The following ESRRG variants were observed in gnomAD, a reference collection of about 807,000 sequenced individuals.
The protein encoded by ESRRG is estrogen-related receptor gamma.
In ESRRG, 13 loss-of-function variants were observed where a neutral mutation model predicts 44.0. The observed-to-expected ratio is 0.30, with a 90% CI of 0.19 to 0.47. The LOEUF (loss-of-function observed/expected upper bound fraction) is 0.47, where lower values mean the gene tolerates loss of function less well. ESRRG is among the 20% of genes least tolerant of loss of function. ESRRG has a pLI of 1.00. For missense variants in ESRRG, 395 were observed against 580.6 expected, an observed-to-expected ratio of 0.68 and a Z score of 3.29; for synonymous variants, 215 against 214.6, an observed-to-expected ratio of 1.00 and a Z score of -0.02.
rs142505378 is a variant in ESRRG, at chr1:217,058,560, T to C, written c.-106+30947A>G. On this transcript the variant is annotated intron_variant, in intron 1 of 7. Transcript: ENST00000359162. ...ATCTGACGTCTCTATGCTCTGACAA[T>C]GTAAATAGAGCACAACTATTTAAAA... 1.2e-3 allele frequency among the ~76,000 whole-genome samples: 177 copies of C among 152,232 alleles called. 3 individuals are homozygous for C. Among genetic ancestry groups the C allele is most frequent in the African/African-American group, 3.9e-3 (161 of 41,566 alleles).
intron 1 of ESRRG, among the ~76,000 whole-genome samples, chr1:217,124,225 C>T (rs2092860984): frequency 6.6e-6 from 1 of 152,148 alleles, no homozygotes. Flanking sequence ...GACACCAACA[C>T]TTAGAGATTT....
chr1:217,027,524 A>G (rs2081401223), intron 1 of ESRRG, among the ~76,000 whole-genome samples: 1 of 152,176 alleles, frequency 6.6e-6, no homozygotes, highest in African/African-American at 2.4e-5. Context: ...CCAGTTAGCA[A>G]CACAATTATG....
At chr1:217,085,107 A>ACATG (rs371620583) in intron 1 of ESRRG, among the ~76,000 whole-genome samples, 1 of 151,908 alleles carries the variant, frequency 6.6e-6, no homozygotes. Flanking sequence ...TTGTGAATCA[A>ACATG]GGATGAGTAA....
chr1:217,113,547 C>A (rs111806719), intron 1 of ESRRG, among the ~76,000 whole-genome samples: 6 of 152,274 alleles, frequency 3.9e-5, no homozygotes, highest in African/African-American at 1.4e-4. Context: ...TGACAAAATC[C>A]TGAACCTTAA....
chr1:216,505,210 G>A lies in ESRRG; in HGVS notation c.*1729C>T, dbSNP rs1208758830. The A allele has an allele frequency of 6.6e-6, 1 of 152,590 alleles. No individual in the cohort carries two copies. Among genetic ancestry groups the A allele is most frequent in the East Asian group, 1.9e-4 (1 of 5,188 alleles). 9.5% of individuals were successfully genotyped at this position (152,590 alleles called of 1,614,324 possible). On this transcript the variant is annotated 3_prime_UTR_variant, in exon 7 of 7. Transcript: ENST00000408911. ...GGTATAGCATTTGATGGAGGTTACT[G>A]TTTATTGGTTATTCAGCGACTGTAG...
At chr1:216,836,943 A>G (rs1031452349) in intron 2 of ESRRG, among the ~76,000 whole-genome samples, 2 of 152,154 alleles carry the variant, frequency 1.3e-5, no homozygotes, top group African/African-American at 4.8e-5. Context: ...CATGTGTACA[A>G]ACAAAAACAC....
At chr1:216,837,756 C>A (rs1559821509) in intron 2 of ESRRG, among the ~76,000 whole-genome samples, 1 of 152,182 alleles carries the variant, frequency 6.6e-6, no homozygotes, top group African/African-American at 2.4e-5. Flanking sequence ...GAAAGATGAC[C>A]TGTGGGGAGC....
chr1:216,740,592 A>G (rs1477406660), intron 2 of ESRRG, among the ~76,000 whole-genome samples: 1 of 151,864 alleles, frequency 6.6e-6, no homozygotes, highest in Admixed American at 6.6e-5. Context: ...TTTGGACGAG[A>G]GAGATTTCTA....
chr1:216,959,918 C>A (rs868813612), intron 1 of ESRRG, among the ~76,000 whole-genome samples: 2 of 152,000 alleles, frequency 1.3e-5, no homozygotes, highest in African/African-American at 2.4e-5. Flanking sequence ...AACTGTTAAA[C>A]CTCACAAGAA....
chr1:216,883,962 T>A (rs1447899504), intron 2 of ESRRG, among the ~76,000 whole-genome samples: 2 of 152,232 alleles, frequency 1.3e-5, no homozygotes, highest in Non-Finnish European at 2.9e-5. Flanking sequence ...AAAAATTAAA[T>A]AGTCATATTT....
At chr1:216,671,829 A>G (rs2075243326) in intron 2 of ESRRG, among the ~76,000 whole-genome samples, 2 of 152,192 alleles carry the variant, frequency 1.3e-5, no homozygotes, top group African/African-American at 4.8e-5. Context: ...AAAGAAAACT[A>G]TTTATAAAAT....
chr1:216,676,247 G>C lies in ESRRG; in HGVS notation c.472+829C>G, dbSNP rs544334318. ...ATCTGTAGATTACCAGTTTAAAAGG[G>C]CATAAACAAATTTCAGTCCTATTTT... On this transcript the variant is annotated intron_variant, in intron 2 of 6. Coordinates refer to ENST00000408911, the MANE Select transcript of ESRRG (RefSeq NM_001438.4). Among the ~76,000 whole-genome samples the C allele has an allele frequency of 2.6e-5, 4 of 152,142 alleles. No homozygotes were observed. The South Asian group carries it at 6.2e-4, about 24-fold the overall frequency.
rs78463474 is a variant in ESRRG at position 216,661,600 on chromosome 1, A to G, written c.473-10511T>C. ...GTTAGGGGCATTTGGATGATACCCTATATGATAAAAGCAGTTGATTCTTAA... is the reference window on the plus strand; with the variant it reads ...GTTAGGGGCATTTGGATGATACCCTGTATGATAAAAGCAGTTGATTCTTAA... On this transcript the variant is annotated intron_variant, in intron 2 of 6. Coordinates refer to ENST00000408911, the MANE Select transcript of ESRRG (RefSeq NM_001438.4). Among the ~76,000 whole-genome samples the G allele has an allele frequency of 2.8e-3, 430 of 152,290 alleles. 4 individuals are homozygous for G. The highest frequency in any genetic ancestry group is 2.1e-3 in the Non-Finnish European group (142 of 68,006).
intron 1 of ESRRG, among the ~76,000 whole-genome samples, chr1:217,083,950 C>A (rs766105786): frequency 9.9e-5 from 15 of 152,088 alleles, no homozygotes; most frequent in Non-Finnish European, 1.6e-4. Context: ...TTTCTGCAAC[C>A]TTACATTTTC....
intron 2 of ESRRG, among the ~76,000 whole-genome samples, chr1:216,741,936 G>C (rs1400338343): frequency 6.6e-6 from 1 of 151,982 alleles, no homozygotes; most frequent in Non-Finnish European, 1.5e-5. Context: ...GGTTTCATTG[G>C]TCTCTCTCCC....
intron 3 of ESRRG, among the ~76,000 whole-genome samples, chr1:216,614,959 T>G (rs184006501): frequency 2.4e-4 from 36 of 152,290 alleles, no homozygotes; most frequent in Non-Finnish European, 4.7e-4. Flanking sequence ...TGAGCAGACC[T>G]CTATGTGTGT....
At chr1:216,563,962 T>A (rs961482984) in intron 5 of ESRRG, among the ~76,000 whole-genome samples, 7 of 152,336 alleles carry the variant, frequency 4.6e-5, no homozygotes, top group African/African-American at 1.7e-4. Context: ...TTTAAATTTA[T>A]ATTCTCGTTA....
chr1:217,003,579 A>ATTAATAATATTAATT (rs72187021), intron 1 of ESRRG, among the ~76,000 whole-genome samples: 1 of 147,710 alleles, frequency 6.8e-6, no homozygotes, highest in South Asian at 2.1e-4. Context: ...ACTAATTAAT[A>ATTAATAATATTAATT]AGTATTAATA....
At chr1:216,603,263 T>C (rs2059482372) in intron 3 of ESRRG, among the ~76,000 whole-genome samples, 1 of 152,228 alleles carries the variant, frequency 6.6e-6, no homozygotes, top group South Asian at 2.1e-4. Context: ...TTTTAAAATA[T>C]AACTCAAAGC....
Sources: gnomAD v4.1 joint callset for allele counts (sites outside exome capture counted in the v4.1 genomes callset) on GRCh38, gnomAD v4.1.1 for gene constraint, MANE v1.5 for transcripts, NCBI Gene and HGNC (gene_info 2026-07-23, HGNC 2026-07-21) for gene names.